The following NNT variants were observed in gnomAD, a reference collection of about 807,000 sequenced individuals.
The protein encoded by NNT is nicotinamide nucleotide transhydrogenase, also known as NAD(P) transhydrogenase, mitochondrial.
A neutral mutation model predicts 104.8 loss-of-function variants in NNT; 50 were observed. The ratio of observed to expected loss-of-function variants is 0.48; its 90% CI spans 0.38 to 0.60. The LOEUF (loss-of-function observed/expected upper bound fraction) is 0.60, where lower values mean the gene tolerates loss of function less well. Among genes scored for constraint, NNT ranks in the 20% least tolerant of loss-of-function variants. The probability of loss-of-function intolerance (pLI) is 0.00; values close to 1 mark genes in which losing one functional copy is unlikely to be tolerated. For missense variants in NNT, 1,131 were observed against 1,330.7 expected, an observed-to-expected ratio of 0.85 and a Z score of 2.33; for synonymous variants, 461 against 490.4, an observed-to-expected ratio of 0.94 and a Z score of 0.79.
chr5:43,656,074 G>T lies in NNT; in HGVS notation c.2293+1G>T, dbSNP rs1220771920. 1 of 1,609,940 alleles carries T rather than the reference G, an allele frequency of 6.2e-7. No individual in the cohort carries two copies. The highest frequency in any genetic ancestry group is 1.1e-5 in the South Asian group (1 of 91,008). ...CTCATTGCCTATGGAAAATTGCAGGGTAAGTGATTCAGCATAACATAGAGG... is the reference window on the plus strand; with the variant it reads ...CTCATTGCCTATGGAAAATTGCAGGTTAAGTGATTCAGCATAACATAGAGG... On this transcript the variant is annotated splice_donor_variant, in intron 15 of 21. Transcript: ENST00000344920. LOFTEE classifies it high-confidence loss of function.
At chr5:43,650,435 G>T (rs188425441) in intron 11 of NNT, 42 bp from the exon 12 acceptor site, 3 of 1,351,468 alleles carry the variant, frequency 2.2e-6, no homozygotes, top group Admixed American at 1.7e-5. Context: ...TGATTTGGTG[G>T]TGTCACTATC....
chr5:43,624,785 G>T (rs552425193), intron 6 of NNT, among the ~76,000 whole-genome samples: 1 of 152,106 alleles, frequency 6.6e-6, no homozygotes, highest in African/African-American at 2.4e-5. Flanking sequence ...AATGTCAGTC[G>T]AGTACAGTTA....
chr5:43,669,932 G>A (rs1272535594), intron 17 of NNT, among the ~76,000 whole-genome samples: 7 of 151,944 alleles, frequency 4.6e-5, no homozygotes, highest in Admixed American at 3.3e-4. Context: ...TGGTTGGTAG[G>A]CTATTAATTA....
intron 7 of NNT, among the ~76,000 whole-genome samples, chr5:43,633,414 C>G (rs1262176045): frequency 6.6e-6 from 1 of 152,220 alleles, no homozygotes; most frequent in Non-Finnish European, 1.5e-5. Context: ...TGCCTTTGCA[C>G]ATATTGCTCC....
At chr5:43,678,981 A>G (rs1201296066) in intron 19 of NNT, among the ~76,000 whole-genome samples, 2 of 152,162 alleles carry the variant, frequency 1.3e-5, no homozygotes, top group African/African-American at 4.8e-5. Flanking sequence ...TCAAAATACT[A>G]TTTTGTGGTG....
At chr5:43,683,144 G>A (rs1035471463) in intron 19 of NNT, among the ~76,000 whole-genome samples, 4 of 152,186 alleles carry the variant, frequency 2.6e-5, no homozygotes, top group African/African-American at 9.7e-5. Context: ...CGAAAAACAT[G>A]GTGGCAGGAT....
intron 19 of NNT, among the ~76,000 whole-genome samples, chr5:43,684,007 T>TTGA (rs1175122827): frequency 6.6e-6 from 1 of 152,168 alleles, no homozygotes; most frequent in Non-Finnish European, 1.5e-5. Flanking sequence ...GAGGACTGCG[T>TTGA]TGATGTTTGC....
intron 17 of NNT, among the ~76,000 whole-genome samples, chr5:43,670,359 T>A (rs947645133): frequency 7.2e-5 from 11 of 152,180 alleles, no homozygotes; most frequent in Non-Finnish European, 5.9e-5. Context: ...CTCTAGTTCT[T>A]TTAATTGTGA....
intron 7 of NNT, among the ~76,000 whole-genome samples, chr5:43,636,935 A>AT (rs1285288200): frequency 6.6e-6 from 1 of 152,128 alleles, no homozygotes; most frequent in East Asian, 1.9e-4. Context: ...AATTTTTCTA[A>AT]TTTTCTAAAA....
rs1293883288 is a variant in NNT at position 43,656,088 on chromosome 5, A to G, written c.2293+15A>G. The G allele has an allele frequency of 2.5e-6, 4 of 1,589,488 alleles. No individual in the cohort carries two copies. In the African/African-American group the frequency reaches 4.0e-5, roughly 16 times the overall value. ...AAAATTGCAGGGTAAGTGATTCAGC[A>G]TAACATAGAGGTAAATATCTACTGT... is the stretch of plus-strand genomic sequence containing the variant. On this transcript the variant is annotated intron_variant, in intron 15 of 21. Transcript: ENST00000344920.
chr5:43,704,244 C>T lies in NNT; in HGVS notation c.3112-11C>T. The T allele has an allele frequency of 6.5e-7, 1 of 1,539,680 alleles. No individual in the cohort carries two copies. Among genetic ancestry groups the T allele is most frequent in the Non-Finnish European group, 8.7e-7 (1 of 1,149,530 alleles). On this transcript the variant is annotated splice_polypyrimidine_tract_variant and intron_variant, in intron 21 of 21. Coordinates refer to ENST00000344920, the MANE Select transcript of NNT (RefSeq NM_182977.3). Reference sequence around the variant, plus strand: ...TTAAATACACTCTCTCATTTAATCTCTGGTTCTCAGGTGATTGTTATGAAG... The same window carrying T: ...TTAAATACACTCTCTCATTTAATCTTTGGTTCTCAGGTGATTGTTATGAAG...
chr5:43,689,997 C>G (rs1353347457), intron 19 of NNT, among the ~76,000 whole-genome samples: 1 of 151,934 alleles, frequency 6.6e-6, no homozygotes, highest in South Asian at 2.1e-4. Context: ...ATGAACAAAG[C>G]CTCCAAGAAG....
In NNT at chr5:43,653,013, A is replaced by T. The variant is rs371672998; in HGVS notation, c.1864-5A>T. 3.8e-4 allele frequency: 601 copies of T among 1,599,434 alleles called. 2 individuals are homozygous for T. The highest frequency in any genetic ancestry group is 2.3e-3 in the Middle Eastern group (14 of 5,992). On this transcript the variant is annotated splice_polypyrimidine_tract_variant and splice_region_variant and intron_variant, in intron 13 of 21. Coordinates refer to ENST00000344920, the MANE Select transcript of NNT (RefSeq NM_182977.3). ...TAATCTCTCTCTCACTTTTCCTTTGAAAAGATCATGTACCTAGGCTCGGGT... is the reference window on the plus strand; with the variant it reads ...TAATCTCTCTCTCACTTTTCCTTTGTAAAGATCATGTACCTAGGCTCGGGT...
chr5:43,706,357 A>G lies in NNT; in HGVS notation c.*1953A>G, dbSNP rs1386229255. ...ATTATTCCTCTTTTTCCAATAAGTC[A>G]TACAATTGGTAGATATGACTTATTT... On this transcript the variant is annotated 3_prime_UTR_variant, in exon 22 of 22. Transcript: ENST00000344920. The G allele has an allele frequency of 6.6e-6, 1 of 151,816 alleles. No homozygotes were observed. Among genetic ancestry groups the G allele is most frequent in the Non-Finnish European group, 1.5e-5 (1 of 67,904 alleles). 9.4% of individuals were successfully genotyped at this position (151,816 alleles called of 1,614,324 possible).
chr5:43,631,567 C>T (rs1361369303), intron 7 of NNT, among the ~76,000 whole-genome samples: 4 of 152,028 alleles, frequency 2.6e-5, no homozygotes, highest in African/African-American at 9.7e-5. Flanking sequence ...GGATAGGAAG[C>T]TAGTTTTATT....
chr5:43,690,064 G>T (rs764645809), intron 19 of NNT, among the ~76,000 whole-genome samples: 10 of 152,130 alleles, frequency 6.6e-5, no homozygotes, highest in Non-Finnish European at 1.3e-4. Context: ...TGAGGAAGAA[G>T]AGAAATCTAG....
intron 14 of NNT, among the ~76,000 whole-genome samples, chr5:43,655,104 C>T (rs1366124775): frequency 6.6e-6 from 1 of 152,178 alleles, no homozygotes; most frequent in African/African-American, 2.4e-5. Context: ...AGGTCTTCTT[C>T]ATGTTCCAGG....
chr5:43,668,313 T>G (rs1470386110), intron 17 of NNT, among the ~76,000 whole-genome samples: 1 of 152,086 alleles, frequency 6.6e-6, no homozygotes, highest in African/African-American at 2.4e-5. Flanking sequence ...TTTTGGCTTT[T>G]GTTGCCATTG....
intron 4 of NNT, among the ~76,000 whole-genome samples, chr5:43,617,293 A>G (rs769780397): frequency 1.3e-5 from 2 of 152,210 alleles, no homozygotes; most frequent in Non-Finnish European, 2.9e-5. Context: ...ATATTATGAG[A>G]CAATATAAAT....
Sources: allele counts gnomAD v4.1 joint callset (sites outside exome capture counted in the v4.1 genomes callset), GRCh38; gene constraint gnomAD v4.1.1; transcripts MANE v1.5; gene names NCBI Gene and HGNC (gene_info 2026-07-23, HGNC 2026-07-21).